The following UBXN4 variants were observed in gnomAD, a reference collection of about 807,000 sequenced individuals.
UBXN4 encodes the protein UBX domain protein 4, also known as UBX domain-containing protein 4.
In UBXN4, 35 loss-of-function variants were observed where a neutral mutation model predicts 66.2. That is an observed-to-expected ratio of 0.53 (90% CI 0.40 to 0.70). The LOEUF is 0.70. UBXN4 is among the 30% of genes least tolerant of loss of function. The pLI is 0.00. For missense variants in UBXN4, 533 were observed against 599.8 expected (o/e 0.89, Z 1.16); for synonymous variants, 203 against 204.5 (o/e 0.99, Z 0.06).
chr2:135,766,679 C>G (rs2077350464), intron 6 of UBXN4, among the ~76,000 whole-genome samples: 1 of 152,194 alleles, frequency 6.6e-6, no homozygotes, highest in Non-Finnish European at 1.5e-5. Flanking sequence ...TTCCATTACT[C>G]ATATCAGGAG....
chr2:135,745,838 G>C (rs564861317), intron 1 of UBXN4, among the ~76,000 whole-genome samples: 1 of 149,084 alleles, frequency 6.7e-6, no homozygotes, highest in Admixed American at 6.8e-5. Context: ...ATTCTTAATG[G>C]AGCATTTGGT....
At chr2:135,775,896 T>C (rs1286740038) in intron 9 of UBXN4, among the ~76,000 whole-genome samples, 1 of 152,104 alleles carries the variant, frequency 6.6e-6, no homozygotes, top group Non-Finnish European at 1.5e-5. Context: ...GCTTCCTGAG[T>C]AGCTGGGATT....
intron 5 of UBXN4, among the ~76,000 whole-genome samples, chr2:135,760,783 C>T (rs957852807): frequency 1.3e-5 from 2 of 152,186 alleles, no homozygotes; most frequent in Non-Finnish European, 2.9e-5. Context: ...CACTGGTAAA[C>T]ATTTATCAGA....
rs1292197567 is a variant in UBXN4, at chr2:135,754,144, C to G, written c.215-15C>G. 6.4e-7 allele frequency: 1 copy of G among 1,572,494 alleles called. No individual in the cohort carries two copies. Among genetic ancestry groups the G allele is most frequent in the Non-Finnish European group, 8.7e-7 (1 of 1,150,860 alleles). On this transcript the variant is annotated splice_polypyrimidine_tract_variant and intron_variant, in intron 3 of 12. Coordinates refer to ENST00000272638, the MANE Select transcript of UBXN4 (RefSeq NM_014607.4). ...TCGTTTCACATGAATTGTTAGACTT[C>G]ATTAAACTGTACAGATCCTGTAGTG... is the stretch of plus-strand genomic sequence containing the variant.
At chr2:135,749,411 T>C (rs2077228863) in intron 2 of UBXN4, among the ~76,000 whole-genome samples, 1 of 152,188 alleles carries the variant, frequency 6.6e-6, no homozygotes, top group Non-Finnish European at 1.5e-5. Flanking sequence ...TCCCCATCTT[T>C]TAAAAAAATT....
intron 2 of UBXN4, among the ~76,000 whole-genome samples, chr2:135,749,511 C>G (rs563837478): frequency 6.6e-6 from 1 of 152,128 alleles, no homozygotes; most frequent in Non-Finnish European, 1.5e-5. Context: ...GTAATTAACT[C>G]ATGGTCAGTC....
At position 135,780,363 on chromosome 2, in the gene UBXN4, T is replaced by C. The variant is rs374797574; in HGVS notation, c.1366T>C (p.Ser456Pro). The change falls in exon 12 of 13, where the codon TCA becomes CCA. Residue 456 changes from serine (S) to proline (P), a missense_variant. This residue lies in a region of UBXN4 where 529 missense variants were observed against 580.1 expected (regional missense o/e 0.91). Transcript: ENST00000272638. ...VTSSEPPNPASSSKSEKREPV... is the reference protein window; with the variant it reads ...VTSSEPPNPAPSSKSEKREPV... ...ATCGTCAGAACCCCCAAACCCTGCA[T>C]CATCTAGCAAATCAGAAAAAAGGTA... is the stretch of plus-strand genomic sequence containing the variant. The C allele has an allele frequency of 3.1e-6, 5 of 1,614,010 alleles. No individual in the cohort carries two copies. The African/African-American group carries it at 6.7e-5, about 22-fold the overall frequency.
At chr2:135,748,878 A>T (rs1476743544) in intron 2 of UBXN4, among the ~76,000 whole-genome samples, 3 of 151,842 alleles carry the variant, frequency 2.0e-5, no homozygotes, top group African/African-American at 7.3e-5. Context: ...AAAAAAAAAA[A>T]TACAAAAATT....
Position 135,779,012 on chromosome 2 carries a change from A to C in UBXN4, c.1118A>C (p.Lys373Thr). 1 of 1,613,882 alleles carries C rather than the reference A, an allele frequency of 6.2e-7. No homozygotes were observed. Among genetic ancestry groups the C allele is most frequent in the Non-Finnish European group, 8.5e-7 (1 of 1,179,920 alleles). Residue 373 changes from lysine (K) to threonine (T), a missense_variant, in exon 11 of 13, where the codon AAA (lysine) becomes ACA (threonine). Transcript: ENST00000272638. ...ATGTTTCCCAGGAGGGAATTTACCA[A>C]AGAAGATTATAAAAAGAAGTTACTG... The part of the protein sequence containing the change: ...ATMFPRREFT[K>T]EDYKKKLLDL...
At chr2:135,771,915 T>A (rs1179972589) in intron 8 of UBXN4, among the ~76,000 whole-genome samples, 1 of 152,206 alleles carries the variant, frequency 6.6e-6, no homozygotes. Context: ...GGAGATACAG[T>A]AGTGAGCAAA....
Position 135,772,486 on chromosome 2 carries a change from G to A in UBXN4, c.889G>A (p.Ala297Thr), listed in dbSNP as rs1464319878. The A allele has an allele frequency of 2.5e-6, 4 of 1,613,966 alleles. No homozygotes were observed. In the African/African-American group the frequency reaches 4.0e-5, roughly 16 times the overall value. Residue 297 changes from alanine (A) to threonine (T), a missense_variant, in exon 9 of 13, where the codon GCC (alanine) becomes ACC (threonine). Physicochemically the swap from Ala to Thr is moderately conservative, Grantham distance 58. This residue lies in a region of UBXN4 where 529 missense variants were observed against 580.1 expected (regional missense o/e 0.91). Transcript: ENST00000272638. ...AGAAGTAGAGGCTGCCAAAGCTGCT[G>A]CCTTGCTAGCAAAACAGGCAGAAAT... The part of the protein sequence containing the change: ...KEEVEAAKAA[A>T]LLAKQAEMEV...
intron 6 of UBXN4, among the ~76,000 whole-genome samples, chr2:135,766,738 T>C (rs1464837292): frequency 6.6e-6 from 1 of 152,212 alleles, no homozygotes; most frequent in Admixed American, 6.5e-5. Context: ...AGTTTAATTA[T>C]TTGGTTAGGA....
Position 135,779,466 on chromosome 2 carries a change from A to G in UBXN4, c.1185+387A>G, listed in dbSNP as rs564429602. On this transcript the variant is annotated intron_variant, in intron 11 of 12. Transcript: ENST00000272638. The stretch of plus-strand genomic sequence containing the variant: ...AAACAGATTATCCCATTTGATCTGC[A>G]CAACAATATTTTAATCTCTGGTGAA... Among the ~76,000 whole-genome samples, 183 of 152,302 alleles carry G rather than the reference A, an allele frequency of 1.2e-3. 1 individual carries two copies. Among genetic ancestry groups the G allele is most frequent in the Admixed American group, 2.0e-3 (31 of 15,292 alleles).
At position 135,748,635 on chromosome 2, in the gene UBXN4, G is replaced by A. The variant is rs530274179; in HGVS notation, c.185+266G>A. Reference sequence around the variant, plus strand: ...CCTGCTACTTGGGAGGCTGAGGGGAGGATCACTTGATCCCTGAAGACTGGG... The same window carrying A: ...CCTGCTACTTGGGAGGCTGAGGGGAAGATCACTTGATCCCTGAAGACTGGG... On this transcript the variant is annotated intron_variant, in intron 2 of 12. Transcript: ENST00000272638. Among the ~76,000 whole-genome samples the A allele has an allele frequency of 2.6e-5, 4 of 151,574 alleles. No individual in the cohort carries two copies. The South Asian group carries it at 8.4e-4, about 32-fold the overall frequency.
intron 1 of UBXN4, among the ~76,000 whole-genome samples, chr2:135,745,204 G>A (rs573904626): frequency 2.5e-4 from 38 of 152,224 alleles, no homozygotes; most frequent in African/African-American, 9.1e-4. Flanking sequence ...AGTCATCTTT[G>A]ACTCTTAACT....
Position 135,753,017 on chromosome 2 carries a change from CTTTTTTTTTTTT to C in UBXN4, c.186-510_186-499del, listed in dbSNP as rs34841626. Among the ~76,000 whole-genome samples the C allele has an allele frequency of 5.4e-4, 33 of 60,948 alleles. 1 individual carries two copies. The highest frequency in any genetic ancestry group is 2.3e-3 in the African/African-American group (33 of 14,212). The allele number at this position is 60,948 out of a possible 152,430, so 40.0% of individuals were successfully genotyped here. A position where few individuals can be genotyped will look rare whatever the true frequency, so the allele number is the denominator to read the frequency against. Reference sequence around the variant, plus strand: ...ATACCTGTGAGCTACCACGCCCGGCCTTTTTTTTTTTTTTTTTTTTTTTGAGACAGAGTTTTG... The same window carrying C: ...ATACCTGTGAGCTACCACGCCCGGCCTTTTTTTTTTTGAGACAGAGTTTTG... On this transcript the variant is annotated intron_variant, in intron 2 of 12. Transcript: ENST00000272638.
At chr2:135,779,764 C>T (rs1188528839) in intron 11 of UBXN4, among the ~76,000 whole-genome samples, 1 of 149,694 alleles carries the variant, frequency 6.7e-6, no homozygotes, top group African/African-American at 2.4e-5. Context: ...TACAATTTCT[C>T]TTAAACACAG....
At chr2:135,780,099 C>A in intron 11 of UBXN4, 84 bp from the exon 12 acceptor site, 1 of 1,358,088 alleles carries the variant, frequency 7.4e-7, no homozygotes, top group South Asian at 1.3e-5. Flanking sequence ...CCTCCTTTTC[C>A]AGATAAAAGT....
At chr2:135,779,947 GTTA>G (rs60893835) in intron 11 of UBXN4, among the ~76,000 whole-genome samples, 5,060 of 146,406 alleles carry the variant, frequency 0.035, 261 homozygotes, top group African/African-American at 0.12. Flanking sequence ...CAATTATACA[GTTA>G]TTATACAATT....
Sources: allele counts gnomAD v4.1 joint callset (sites outside exome capture counted in the v4.1 genomes callset), GRCh38; gene constraint gnomAD v4.1.1; regional missense constraint gnomAD v4.1.1; transcripts MANE v1.5; gene names NCBI Gene and HGNC (gene_info 2026-07-23, HGNC 2026-07-21).